PTPRB: variants seen among roughly 807,000 people sequenced by gnomAD.
The protein encoded by PTPRB is receptor-type tyrosine-protein phosphatase beta.
A neutral mutation model predicts 238.1 loss-of-function variants in PTPRB; 97 were observed. That is an observed-to-expected ratio of 0.41 (90% CI 0.35 to 0.48). PTPRB has a LOEUF of 0.48. Ranked by LOEUF, PTPRB falls within the 20% of genes least tolerant of loss-of-function variation. The pLI, the probability that PTPRB is intolerant of heterozygous loss-of-function variation, is 0.30. For missense variants in PTPRB, 2,292 were observed against 2,681.9 expected (o/e 0.85, Z 3.21); for synonymous variants, 970 against 995.4 (o/e 0.97, Z 0.48).
chr12:70,554,069 A>G (rs1281164021), intron 20 of PTPRB, among the ~76,000 whole-genome samples: 1 of 152,196 alleles, frequency 6.6e-6, no homozygotes, highest in African/African-American at 2.4e-5. Context: ...CAGTTCACTA[A>G]TTTATCTTCA....
chr12:70,609,187 A>AG lies in PTPRB; in HGVS notation c.860dup (p.Thr288TyrfsTer12). 6.2e-7 allele frequency: 1 copy of AG among 1,614,084 alleles called. No individual in the cohort carries two copies. The highest frequency in any genetic ancestry group is 8.5e-7 in the Non-Finnish European group (1 of 1,179,900). ...ATGTGGTGTTGTCTATCCGAAAGGT[A>AG]GGGCACAACGCGGCCCCCAGGGTGT... On this transcript the variant is annotated frameshift_variant, in exon 4 of 34. Coordinates refer to ENST00000334414, the MANE Select transcript of PTPRB (RefSeq NM_001109754.4). LOFTEE classifies it high-confidence loss of function.
chr12:70,622,044 T>C (rs986218882), intron 3 of PTPRB, among the ~76,000 whole-genome samples: 4 of 152,244 alleles, frequency 2.6e-5, no homozygotes, highest in Admixed American at 1.3e-4. Flanking sequence ...GATTATGACA[T>C]ATACTCAGGG....
At chr12:70,588,087 C>A (rs1282050968) in intron 8 of PTPRB, among the ~76,000 whole-genome samples, 2 of 101,532 alleles carry the variant, frequency 2.0e-5, no homozygotes, top group Admixed American at 1.2e-4. Context: ...CAGAGCAAGA[C>A]TCTGTCTCAA....
rs1218610731 is a variant in PTPRB at position 70,535,632 on chromosome 12, AT to A, written c.6081+392del. ...GTTTGGTTGATTTGTCTGGATTATTATTTTACTTTGTGTCTGCCAACACAGT... is the reference window on the plus strand; with the variant it reads ...GTTTGGTTGATTTGTCTGGATTATTATTTACTTTGTGTCTGCCAACACAGT... On this transcript the variant is annotated intron_variant, in intron 29 of 33. Transcript: ENST00000334414. Among the ~76,000 whole-genome samples, 6 of 152,176 alleles carry A rather than the reference AT, an allele frequency of 3.9e-5. No homozygotes were observed. The East Asian group carries it at 9.7e-4, about 24-fold the overall frequency.
At chr12:70,544,147 A>T (rs1042520074) in intron 22 of PTPRB, among the ~76,000 whole-genome samples, 1 of 152,206 alleles carries the variant, frequency 6.6e-6, no homozygotes, top group Admixed American at 6.5e-5. Flanking sequence ...TTTGAGATAC[A>T]CATCATTAAT....
rs939186005 is a variant in PTPRB at position 70,572,070 on chromosome 12, C to T, written c.2860G>A (p.Gly954Arg). 1 of 1,610,878 alleles carries T rather than the reference C, an allele frequency of 6.2e-7. No homozygotes were observed. Among genetic ancestry groups the T allele is most frequent in the Non-Finnish European group, 8.5e-7 (1 of 1,178,540 alleles). ...QERTVPDKVQ[G>R]VSVSNSARSD... Reference sequence around the variant, plus strand: ...CTGGCTGAGTTGCTAACACTGACTCCCTGGACTTTGTCAGGCACTGAAAAG... The same window carrying T: ...CTGGCTGAGTTGCTAACACTGACTCTCTGGACTTTGTCAGGCACTGAAAAG... The change falls in exon 12 of 34, where the codon GGA becomes AGA. Residue 954 changes from glycine (G) to arginine (R), a missense_variant. By Grantham distance (125) the Gly-to-Arg change is moderately radical. Around this residue, in one of 4 missense-constraint regions of PTPRB, gnomAD observed 1,205 missense variants for 1,287.8 expected, o/e 0.94. Coordinates refer to ENST00000334414, the MANE Select transcript of PTPRB (RefSeq NM_001109754.4).
At chr12:70,545,392 C>G (rs1306203401) in intron 21 of PTPRB, among the ~76,000 whole-genome samples, 1 of 152,086 alleles carries the variant, frequency 6.6e-6, no homozygotes, top group Non-Finnish European at 1.5e-5. Context: ...ATCATTTTAT[C>G]TAAAAATATT....
intron 18 of PTPRB, among the ~76,000 whole-genome samples, chr12:70,557,588 G>A (rs943967586): frequency 8.5e-5 from 13 of 152,178 alleles, no homozygotes; most frequent in Admixed American, 6.5e-5. Flanking sequence ...TAACAGAGTT[G>A]TATGAGCTCT....
intron 8 of PTPRB, among the ~76,000 whole-genome samples, chr12:70,588,141 G>A (rs776663781): frequency 1.3e-5 from 2 of 149,698 alleles, no homozygotes; most frequent in Admixed American, 6.6e-5. Context: ...AAAGAATAAA[G>A]TGTTGCTGCC....
intron 8 of PTPRB, 117 bp downstream of exon 8, chr12:70,589,847 T>C (rs1465536033): frequency 9.8e-7 from 1 of 1,018,622 alleles, no homozygotes; most frequent in Admixed American, 2.4e-5. Context: ...GTCCTTAATA[T>C]CTCAAATTCA....
intron 10 of PTPRB, among the ~76,000 whole-genome samples, chr12:70,580,680 G>A (rs113751501): frequency 0.072 from 11,003 of 152,138 alleles, 621 homozygotes; most frequent in African/African-American, 0.16. Flanking sequence ...TTAGCAGGGC[G>A]TGGTGGCACA....
At chr12:70,564,237 T>C (rs1042788727) in intron 15 of PTPRB, among the ~76,000 whole-genome samples, 8 of 152,170 alleles carry the variant, frequency 5.3e-5, no homozygotes, top group African/African-American at 1.9e-4. Context: ...CCCGACCAGG[T>C]GCAGTGGCTC....
At chr12:70,535,970 T>C (rs1874064963) in intron 29 of PTPRB, 55 bp downstream of exon 29, 2 of 1,603,098 alleles carry the variant, frequency 1.2e-6, no homozygotes, top group Admixed American at 3.4e-5. Flanking sequence ...TGGGGCAGAA[T>C]TCTATCCAGG....
chr12:70,630,085 T>C (rs954345328), intron 2 of PTPRB, among the ~76,000 whole-genome samples: 1 of 151,298 alleles, frequency 6.6e-6, no homozygotes, highest in Non-Finnish European at 1.5e-5. Flanking sequence ...ATCCTCATCC[T>C]GATACCAAAG....
intron 7 of PTPRB, among the ~76,000 whole-genome samples, chr12:70,591,093 G>A (rs1487311380): frequency 1.4e-5 from 2 of 147,664 alleles, no homozygotes; most frequent in African/African-American, 5.0e-5. Flanking sequence ...ACCATGCCCA[G>A]CTAATTAATT....
In PTPRB at chr12:70,576,518, C is replaced by T. The variant is rs572127509; in HGVS notation, c.2706G>A (p.Val902=). 1.0e-5 allele frequency: 16 copies of T among 1,570,252 alleles called. No individual in the cohort carries two copies. In the South Asian group the frequency reaches 1.4e-4, roughly 14 times the overall value. ...YEVTLSHDGK[V]VQSLVIAKSV... is the part of the protein sequence containing the mutation. ...ACTTGGCAATGACAAGGGACTGAAC[C>T]ACCTTGCCGTCATGAGACAATGTTA... Residue 902 remains valine, a synonymous_variant, in exon 11 of 34, where the codon GTG becomes GTA. Coordinates refer to ENST00000334414, the MANE Select transcript of PTPRB (RefSeq NM_001109754.4).
intron 21 of PTPRB, among the ~76,000 whole-genome samples, chr12:70,546,867 A>G (rs911413337): frequency 1.3e-5 from 2 of 152,164 alleles, no homozygotes; most frequent in African/African-American, 4.8e-5. Flanking sequence ...GCTCTAAGTT[A>G]AAGATTGGCT....
rs144162822 is a variant in PTPRB at position 70,564,168 on chromosome 12, A to G, written c.3905-1061T>C. Among the ~76,000 whole-genome samples, 355 of 152,220 alleles carry G rather than the reference A, an allele frequency of 2.3e-3. 2 individuals carry two copies. The highest frequency in any genetic ancestry group is 8.3e-3 in the African/African-American group (344 of 41,532). The stretch of plus-strand genomic sequence containing the variant: ...ACTTTCTCATTTCTTTCAGATTTTT[A>G]CTCAAATGTCACTGCCTCAATGAAG... On this transcript the variant is annotated intron_variant, in intron 15 of 33. Transcript: ENST00000334414.
intron 7 of PTPRB, chr12:70,591,641 A>AT (rs1197736073): frequency 1.3e-5 from 2 of 152,216 alleles, no homozygotes; most frequent in African/African-American, 2.4e-5. Context: ...GAGTTGGACA[A>AT]TTTTTTCTGT....
Sources: allele counts gnomAD v4.1 joint callset (sites outside exome capture counted in the v4.1 genomes callset), GRCh38; gene constraint gnomAD v4.1.1; regional missense constraint gnomAD v4.1.1; transcripts MANE v1.5; gene names NCBI Gene and HGNC (gene_info 2026-07-23, HGNC 2026-07-21).